The following ARSG variants were observed in gnomAD, a reference collection of about 807,000 sequenced individuals.
The protein encoded by ARSG is arylsulfatase G.
A neutral mutation model predicts 50.5 loss-of-function variants in ARSG; 37 were observed. The observed-to-expected ratio is 0.73, with a 90% CI of 0.56 to 0.96. ARSG has a LOEUF of 0.96. ARSG is among the 50% of genes least tolerant of loss of function. The pLI is 0.00. For missense variants in ARSG, 629 were observed against 675.3 expected (o/e 0.93, Z 0.76); for synonymous variants, 225 against 254.6 (o/e 0.88, Z 1.11).
At chr17:68,346,548 C>A (rs1201042484) in intron 3 of ARSG, among the ~76,000 whole-genome samples, 1 of 152,094 alleles carries the variant, frequency 6.6e-6, no homozygotes, top group Non-Finnish European at 1.5e-5. Context: ...AGAGCTCTTG[C>A]CACACATTGC....
chr17:68,291,216 C>T (rs1205218568), upstream of ARSG: 1 of 151,558 alleles, frequency 6.6e-6, no homozygotes, highest in Non-Finnish European at 1.5e-5. Context: ...CCGACTCTAG[C>T]GCAAGTTGGC....
At chr17:68,346,787 G>A in intron 3 of ARSG, 1 of 1,313,456 alleles carries the variant, frequency 7.6e-7, no homozygotes, top group Non-Finnish European at 9.9e-7. Flanking sequence ...CCCAGCGCGG[G>A]AGGGCAAAGT....
At chr17:68,446,223 C>T in the ARSG span, among the ~76,000 whole-genome samples, 1 of 151,940 alleles carries the variant, frequency 6.6e-6, no homozygotes, top group Non-Finnish European at 1.5e-5. Context: ...TTCTGTCACC[C>T]AGGCTGCAGT....
intron 1 of ARSG, among the ~76,000 whole-genome samples, chr17:68,284,957 A>T (rs901278628): frequency 6.6e-6 from 1 of 152,190 alleles, no homozygotes; most frequent in Non-Finnish European, 1.5e-5. Context: ...TACCTTGTAC[A>T]CAGCTTGTAT....
chr17:68,267,219 A>T (rs541589631), intron 1 of ARSG: 18 of 152,324 alleles, frequency 1.2e-4, no homozygotes, highest in Admixed American at 1.0e-3. Flanking sequence ...ATCCCTCAGA[A>T]ATCAGTTATA....
intron 6 of ARSG, among the ~76,000 whole-genome samples, chr17:68,365,992 C>T (rs1050203603): frequency 6.6e-6 from 1 of 151,932 alleles, no homozygotes; most frequent in Admixed American, 6.6e-5. Context: ...GGCTGGAGTG[C>T]AGTGCACAAT....
At chr17:68,377,783 G>A (rs2080223694) in intron 8 of ARSG, among the ~76,000 whole-genome samples, 1 of 152,238 alleles carries the variant, frequency 6.6e-6, no homozygotes, top group African/African-American at 2.4e-5. Context: ...GGAACTCTTG[G>A]GAAACTTTGT....
rs542108620 is a variant in ARSG at position 68,271,577 on chromosome 17, T to C, written c.-552+12151T>C. The C allele has an allele frequency of 2.4e-5, 38 of 1,614,212 alleles. No homozygotes were observed. Among genetic ancestry groups the C allele is most frequent in the Admixed American group, 1.8e-4 (11 of 60,030 alleles). ...ATGGGTCTGAGCAGTGCTCCGAAGA[T>C]GACAATGTTTAACTGTAGTAGGCCC... is the stretch of plus-strand genomic sequence containing the variant. On this transcript the variant is annotated intron_variant, in intron 1 of 11. Coordinates refer to the ARSG transcript ENST00000448504. The surrounding 1 kb of genome is among the most constrained non-coding windows in gnomAD (Gnocchi z 5.3).
intron 5 of ARSG, among the ~76,000 whole-genome samples, chr17:68,352,109 G>GAA (rs2078802852): frequency 8.0e-6 from 1 of 125,468 alleles, no homozygotes; most frequent in African/African-American, 3.0e-5. Flanking sequence ...GAGAGAGAGA[G>GAA]AGAGACAGAG....
At chr17:68,277,721 G>A (rs542293708) in intron 1 of ARSG, among the ~76,000 whole-genome samples, 11 of 152,250 alleles carry the variant, frequency 7.2e-5, no homozygotes, top group Middle Eastern at 3.4e-3. Flanking sequence ...CACTGTGCCC[G>A]GCCATCAGCA....
intron 2 of ARSG, among the ~76,000 whole-genome samples, chr17:68,326,336 AAG>A (rs1264890803): frequency 1.3e-5 from 2 of 152,168 alleles, no homozygotes; most frequent in African/African-American, 4.8e-5. Context: ...GGAACACAAA[AAG>A]GGCCTGAGGC....
intron 8 of ARSG, among the ~76,000 whole-genome samples, chr17:68,379,168 G>A (rs1188922910): frequency 1.3e-5 from 2 of 152,190 alleles, no homozygotes; most frequent in African/African-American, 4.8e-5. Context: ...GCCGCCCTGT[G>A]TTTCTAGAAA....
At chr17:68,355,974 C>T (rs1038279518) in intron 5 of ARSG, among the ~76,000 whole-genome samples, 10 of 151,602 alleles carry the variant, frequency 6.6e-5, no homozygotes, top group Non-Finnish European at 1.2e-4. Flanking sequence ...CTCCGCCTCC[C>T]GGGTTCAAAT....
chr17:68,443,923 A>G, the ARSG span, among the ~76,000 whole-genome samples: 1 of 152,238 alleles, frequency 6.6e-6, no homozygotes, highest in African/African-American at 2.4e-5. Context: ...CTATTTCAAT[A>G]TAACAAATCC....
intron 2 of ARSG, among the ~76,000 whole-genome samples, chr17:68,314,275 C>T (rs1227358198): frequency 6.6e-6 from 1 of 151,834 alleles, no homozygotes; most frequent in Non-Finnish European, 1.5e-5. Flanking sequence ...ACCTGTAATC[C>T]CAGCACTTTG....
chr17:68,347,113 GT>G lies in ARSG; in HGVS notation c.407-7del. 1.2e-6 allele frequency: 2 copies of G among 1,613,854 alleles called. No individual in the cohort carries two copies. Among genetic ancestry groups the G allele is most frequent in the Non-Finnish European group, 1.7e-6 (2 of 1,179,822 alleles). ...GGATTCCTCTGAAAATCTCTCTTAT[GT>G]TTTTCTACAGGCAAATGGCATCTTG... is the stretch of plus-strand genomic sequence containing the variant. On this transcript the variant is annotated splice_polypyrimidine_tract_variant and intron_variant, in intron 3 of 11. Coordinates refer to ENST00000621439, the MANE Select transcript of ARSG (RefSeq NM_001267727.2).
chr17:68,405,754 T>C (rs1050591662), intron 11 of ARSG, among the ~76,000 whole-genome samples: 2 of 152,196 alleles, frequency 1.3e-5, no homozygotes, highest in Non-Finnish European at 2.9e-5. Context: ...TTTATTAATA[T>C]ATTATGTCCT....
In ARSG at chr17:68,368,659, G is replaced by A; in HGVS notation, c.816G>A (p.Gly272=). 2 of 1,614,238 alleles carry A rather than the reference G, an allele frequency of 1.2e-6. No homozygotes were observed. Among genetic ancestry groups the A allele is most frequent in the Non-Finnish European group, 1.7e-6 (2 of 1,180,032 alleles). The change falls in exon 7 of 12, where the codon GGG becomes GGA. Residue 272 remains glycine (G), a synonymous_variant. Coordinates refer to ENST00000621439, the MANE Select transcript of ARSG (RefSeq NM_001267727.2). ...GGGGCAGAAGCCTGTATGGTGCAGG[G>A]CTCTGGGAGATGGACAGTCTGGTGG... ...APRGRSLYGA[G]LWEMDSLVGQ...
intron 2 of ARSG, among the ~76,000 whole-genome samples, chr17:68,318,101 G>GA (rs57091246): frequency 2.0e-4 from 29 of 147,688 alleles, no homozygotes; most frequent in East Asian, 1.6e-3. Flanking sequence ...CTCTGTCTTG[G>GA]AAAAAAAAAA....
Sources: allele counts gnomAD v4.1 joint callset (sites outside exome capture counted in the v4.1 genomes callset), GRCh38; gene constraint gnomAD v4.1.1; non-coding constraint Gnocchi (gnomAD v3.1); transcripts MANE v1.5; gene names NCBI Gene and HGNC (gene_info 2026-07-23, HGNC 2026-07-21).